The following LTBP2 variants were observed in gnomAD, a reference collection of about 807,000 sequenced individuals.
LTBP2 encodes the protein latent-transforming growth factor beta-binding protein 2.
In LTBP2, 103 loss-of-function variants were observed where a neutral mutation model predicts 210.6. That is an observed-to-expected ratio of 0.49 (90% CI 0.42 to 0.58). The LOEUF is 0.58. Ranked by LOEUF, LTBP2 falls within the 20% of genes least tolerant of loss-of-function variation. The pLI is 0.00. For synonymous variants in LTBP2, 1,007 were observed against 1,015.0 expected, an observed-to-expected ratio of 0.99 and a Z score of 0.15; for missense variants, 2,313 against 2,494.5, an observed-to-expected ratio of 0.93 and a Z score of 1.55.
At chr14:74,540,830 A>ATTATATATATATATT (rs1555350191) in intron 8 of LTBP2, among the ~76,000 whole-genome samples, 5 of 68,644 alleles carry the variant, frequency 7.3e-5, no homozygotes, top group African/African-American at 2.5e-4. Context: ...ATTTTTATAT[A>ATTATATATATATATT]ATATATATTT....
chr14:74,598,289 A>G (rs902936613), intron 2 of LTBP2, among the ~76,000 whole-genome samples: 2 of 152,194 alleles, frequency 1.3e-5, no homozygotes, highest in African/African-American at 2.4e-5. Context: ...TAGGACTGAG[A>G]TGGGGACTTG....
chr14:74,597,592 C>T (rs937357521), intron 2 of LTBP2, among the ~76,000 whole-genome samples: 1 of 152,228 alleles, frequency 6.6e-6, no homozygotes, highest in Non-Finnish European at 1.5e-5. Context: ...AGGAAGCTCC[C>T]AGTCAAGGAC....
intron 8 of LTBP2, 120 bp downstream of exon 8, chr14:74,549,743 G>A: frequency 1.2e-6 from 1 of 859,724 alleles, no homozygotes; most frequent in Non-Finnish European, 2.0e-6. Flanking sequence ...GAAGTCTGCA[G>A]TTTACCAGCC....
In LTBP2 at chr14:74,551,355, G is replaced by A. The variant is rs1012057836; in HGVS notation, c.1400-5C>T. The A allele has an allele frequency of 1.3e-6, 2 of 1,560,122 alleles. No individual in the cohort carries two copies. The highest frequency in any genetic ancestry group is 2.3e-5 in the East Asian group (1 of 43,956). On this transcript the variant is annotated splice_polypyrimidine_tract_variant and splice_region_variant and intron_variant, in intron 6 of 35. Coordinates refer to ENST00000261978, the MANE Select transcript of LTBP2 (RefSeq NM_000428.3). ...CCAGGGAGGGGTTCACGGAGGCTGGGCACAGGGGCTAGAGTCAGAGCCAGG... is the reference window on the plus strand; with the variant it reads ...CCAGGGAGGGGTTCACGGAGGCTGGACACAGGGGCTAGAGTCAGAGCCAGG...
chr14:74,509,735 T>G lies in LTBP2; in HGVS notation c.3276A>C (p.Glu1092Asp). 2 of 1,614,082 alleles carry G rather than the reference T, an allele frequency of 1.2e-6. No individual in the cohort carries two copies. The highest frequency in any genetic ancestry group is 1.7e-6 in the Non-Finnish European group (2 of 1,180,012). ...YWVNEDGTAC[E>D]DLDECAFPGV... The stretch of plus-strand genomic sequence containing the variant: ...CCACCACTGCCTCCCCAGGGTTACC[T>G]TCACAGGCAGTGCCGTCTTCATTCA... Residue 1092 changes from glutamate (E) to aspartate (D), a missense_variant and splice_region_variant, in exon 21 of 36, where the codon GAA becomes GAC. Coordinates refer to ENST00000261978, the MANE Select transcript of LTBP2 (RefSeq NM_000428.3).
At position 74,526,239 on chromosome 14, in the gene LTBP2, C is replaced by A. The variant is rs967449619; in HGVS notation, c.2389-125G>T. 4 of 947,584 alleles carry A rather than the reference C, an allele frequency of 4.2e-6. No individual in the cohort carries two copies. In the Admixed American group the frequency reaches 8.0e-5, roughly 19 times the overall value. The allele number at this position is 947,584 out of a possible 1,614,324, so 58.7% of individuals were successfully genotyped here. ...GAGCTCATTCATGTTTTCATTCATT[C>A]CAGGTATTGATGAGTTCTTACTCTA... On this transcript the variant is annotated intron_variant, in intron 13 of 35. Coordinates refer to ENST00000261978, the MANE Select transcript of LTBP2 (RefSeq NM_000428.3).
intron 18 of LTBP2, 73 bp downstream of exon 18, chr14:74,516,749 T>C: frequency 6.7e-7 from 1 of 1,499,458 alleles, no homozygotes; most frequent in Non-Finnish European, 9.0e-7. Context: ...GGCGTGTTGG[T>C]GGTGGGCAGT....
chr14:74,516,941 T>A lies in LTBP2; in HGVS notation c.2789A>T (p.Asp930Val). 6.4e-7 allele frequency: 1 copy of A among 1,551,388 alleles called. No homozygotes were observed. The highest frequency in any genetic ancestry group is 2.4e-5 in the East Asian group (1 of 40,944). ...ATSGATQECQ[D>V]INECEQPGVC... is the part of the protein sequence containing the mutation. ...CCCTGGCTGCTCACACTCATTGATATCTGTGAACACACAGAAAAGCCCTGA... is the reference window on the plus strand; with the variant it reads ...CCCTGGCTGCTCACACTCATTGATAACTGTGAACACACAGAAAAGCCCTGA... The change falls in exon 18 of 36, where the codon GAT becomes GTT. Residue 930 changes from aspartate (D) to valine (V), a missense_variant and splice_region_variant. By Grantham distance (152) the Asp-to-Val change is radical (BLOSUM62 -3). Transcript: ENST00000261978.
chr14:74,603,787 C>T lies in LTBP2; in HGVS notation c.495-82G>A. 3.4e-6 allele frequency: 4 copies of T among 1,191,554 alleles called. No homozygotes were observed. In the South Asian group the frequency reaches 4.9e-5, roughly 15 times the overall value. The allele number at this position is 1,191,554 out of a possible 1,614,324, so 73.8% of individuals were successfully genotyped here. ...ACAGCCCCTCCGACAGTCCCACCTT[C>T]TAGAGGCAGGGCCTGGAGGAACATG... is the stretch of plus-strand genomic sequence containing the variant. On this transcript the variant is annotated intron_variant, in intron 1 of 35. Coordinates refer to ENST00000261978, the MANE Select transcript of LTBP2 (RefSeq NM_000428.3).
chr14:74,527,352 C>T lies in LTBP2; in HGVS notation c.2383G>A (p.Gly795Ser). 1 of 1,611,648 alleles carries T rather than the reference C, an allele frequency of 6.2e-7. No individual in the cohort carries two copies. Among genetic ancestry groups the T allele is most frequent in the Non-Finnish European group, 8.5e-7 (1 of 1,179,226 alleles). The change falls in exon 13 of 36, where the codon GGC (glycine) becomes AGC (serine). Residue 795 changes from glycine (G) to serine (S), a missense_variant. This residue lies in a region of LTBP2 where 1,867 missense variants were observed against 1,976.9 expected (regional missense o/e 0.94). Coordinates refer to ENST00000261978, the MANE Select transcript of LTBP2 (RefSeq NM_000428.3). ...TAGTGGGAGGACGCACTCACCTGGCCAGCCTGAGAGTCACCTGGAAGGGAA... is the reference window on the plus strand; with the variant it reads ...TAGTGGGAGGACGCACTCACCTGGCTAGCCTGAGAGTCACCTGGAAGGGAA... Reference protein sequence around the residue: ...TIPDKGDSQAGQVTTSVTHAP... With the variant: ...TIPDKGDSQASQVTTSVTHAP...
In LTBP2 at chr14:74,502,715, G is replaced by A. The variant is rs757487086; in HGVS notation, c.5108C>T (p.Pro1703Leu). The A allele has an allele frequency of 1.2e-6, 2 of 1,614,198 alleles. No homozygotes were observed. Among genetic ancestry groups the A allele is most frequent in the East Asian group, 4.5e-5 (2 of 44,870 alleles). ...NTAGHSADRT[P>L]ILESPLQPSE... ...GGGCTGCAAAGGAGACTCAAGGATG[G>A]GTGTGCGGTCCGCTGAGTGACCGGC... The change falls in exon 34 of 36, where the codon CCC becomes CTC. Residue 1703 changes from proline to leucine, a missense_variant. By Grantham distance (98) the Pro-to-Leu change is moderately conservative. This residue lies in a region of LTBP2 where 443 missense variants were observed against 501.4 expected (regional missense o/e 0.88). Transcript: ENST00000261978.
At position 74,499,771 on chromosome 14, in the gene LTBP2, C is replaced by A; in HGVS notation, c.*1113G>T. 1 of 228,166 alleles carries A rather than the reference C, an allele frequency of 4.4e-6. No individual in the cohort carries two copies. Among genetic ancestry groups the A allele is most frequent in the South Asian group, 1.8e-4 (1 of 5,480 alleles). The allele number at this position is 228,166 out of a possible 1,614,324, so 14.1% of individuals were successfully genotyped here. On this transcript the variant is annotated 3_prime_UTR_variant, in exon 36 of 36. Coordinates refer to ENST00000261978, the MANE Select transcript of LTBP2 (RefSeq NM_000428.3). Reference sequence around the variant, plus strand: ...AACAGAAGAGACCAGATGCACATTTCTTTATTCCACCATGGTTCTGAACTC... The same window carrying A: ...AACAGAAGAGACCAGATGCACATTTATTTATTCCACCATGGTTCTGAACTC...
chr14:74,611,327 GAAGTACTA>G, intron 1 of LTBP2, 116 bp downstream of exon 1: 1 of 1,149,580 alleles, frequency 8.7e-7, no homozygotes, highest in Non-Finnish European at 1.1e-6. Context: ...GCTGTTTCCC[GAAGTACTA>G]AAGACAGAGG....
chr14:74,560,891 T>A (rs955211799), intron 3 of LTBP2, among the ~76,000 whole-genome samples: 1 of 152,210 alleles, frequency 6.6e-6, no homozygotes, highest in Admixed American at 6.5e-5. Flanking sequence ...TATGCAAACA[T>A]TATGTCATTT....
chr14:74,564,925 C>T (rs1028738859), intron 3 of LTBP2, among the ~76,000 whole-genome samples: 7 of 152,116 alleles, frequency 4.6e-5, no homozygotes, highest in South Asian at 2.1e-4. Context: ...TACCATTAAT[C>T]GTTTCTTTAT....
intron 35 of LTBP2, 36 bp from the exon 36 acceptor site, chr14:74,501,065 C>G (rs534857296): frequency 1.2e-6 from 2 of 1,601,022 alleles, no homozygotes; most frequent in African/African-American, 2.7e-5. Flanking sequence ...GTAGGGAGCC[C>G]AGGTGCCTCT....
chr14:74,501,495 T>C lies in LTBP2; in HGVS notation c.5266A>G (p.Thr1756Ala). ...GRCVRVREGYTCDCFEGFQLD... is the reference protein window; with the variant it reads ...GRCVRVREGYACDCFEGFQLD... ...TGGAAGCCCTCAAAACAGTCACAGG[T>C]GTAGCCCTCCCGCACGCGCACACAG... is the stretch of plus-strand genomic sequence containing the variant. Residue 1756 changes from threonine (T) to alanine (A), a missense_variant, in exon 35 of 36, where the codon ACC (threonine) becomes GCC (alanine). This residue lies in a region of LTBP2 where 443 missense variants were observed against 501.4 expected (regional missense o/e 0.88). Coordinates refer to ENST00000261978, the MANE Select transcript of LTBP2 (RefSeq NM_000428.3). The C allele has an allele frequency of 6.2e-7, 1 of 1,614,060 alleles. No individual in the cohort carries two copies. The highest frequency in any genetic ancestry group is 1.7e-5 in the Admixed American group (1 of 60,022).
At chr14:74,595,847 T>C (rs566565929) in intron 2 of LTBP2, among the ~76,000 whole-genome samples, 1 of 152,330 alleles carries the variant, frequency 6.6e-6, no homozygotes, top group South Asian at 2.1e-4. Flanking sequence ...CAAGAGAGAC[T>C]GTCCTTTTGG....
intron 30 of LTBP2, 76 bp downstream of exon 30, chr14:74,504,702 C>G: frequency 6.8e-7 from 1 of 1,462,006 alleles, no homozygotes; most frequent in Non-Finnish European, 9.6e-7. Context: ...GCAGAACTTC[C>G]CCAGGGACCC....
Sources: allele counts gnomAD v4.1 joint callset (sites outside exome capture counted in the v4.1 genomes callset), GRCh38; gene constraint gnomAD v4.1.1; regional missense constraint gnomAD v4.1.1; transcripts MANE v1.5; gene names NCBI Gene and HGNC (gene_info 2026-07-23, HGNC 2026-07-21).